FBN2: variants seen among roughly 807,000 people sequenced by gnomAD.
FBN2 encodes fibrillin 2, also known as fibrillin-2.
A neutral mutation model predicts 355.6 loss-of-function variants in FBN2; 105 were observed. The observed-to-expected ratio is 0.30, with a 90% CI of 0.25 to 0.35. FBN2 has a LOEUF of 0.35. FBN2 is among the 10% of genes least tolerant of loss of function. The pLI, the probability that FBN2 is intolerant of heterozygous loss-of-function variation, is 1.00. For missense variants in FBN2, 3,280 were observed against 3,758.7 expected, an observed-to-expected ratio of 0.87 and a Z score of 3.33; for synonymous variants, 1,350 against 1,301.2, an observed-to-expected ratio of 1.04 and a Z score of -0.81.
At chr5:128,370,660 A>T (rs17839646) in intron 15 of FBN2, among the ~76,000 whole-genome samples, 4,516 of 152,212 alleles carry the variant, frequency 0.03, 234 homozygotes, top group African/African-American at 0.1. Flanking sequence ...TTCTTTGGAC[A>T]TTACTGATGA....
chr5:128,300,762 C>T (rs1749691352), intron 48 of FBN2, 55 bp downstream of exon 48: 2 of 1,589,966 alleles, frequency 1.3e-6, no homozygotes, highest in Non-Finnish European at 1.7e-6. Context: ...AGAGTCTTTA[C>T]CATGTCTTAC....
intron 64 of FBN2, 89 bp downstream of exon 64, chr5:128,261,647 C>T: frequency 8.6e-7 from 1 of 1,158,240 alleles, no homozygotes; most frequent in African/African-American, 1.5e-5. Context: ...TGATTAACTT[C>T]AGTGAGGCTG....
intron 6 of FBN2, among the ~76,000 whole-genome samples, chr5:128,452,485 A>C (rs1406019577): frequency 6.6e-6 from 1 of 152,164 alleles, no homozygotes; most frequent in Non-Finnish European, 1.5e-5. Flanking sequence ...ACTTGTTCTA[A>C]AAAATTAAAC....
intron 6 of FBN2, among the ~76,000 whole-genome samples, chr5:128,459,992 G>C (rs1055034010): frequency 1.1e-4 from 16 of 152,032 alleles, no homozygotes; most frequent in African/African-American, 2.9e-4. Flanking sequence ...AGAAATAAAG[G>C]GTATTTAAAT....
chr5:128,291,898 T>G (rs142006715), intron 48 of FBN2, among the ~76,000 whole-genome samples: 2 of 152,230 alleles, frequency 1.3e-5, no homozygotes, highest in African/African-American at 4.8e-5. Context: ...GGGGTGTATG[T>G]ATGTCTACCT....
At position 128,314,458 on chromosome 5, in the gene FBN2, C is replaced by G. The variant is rs139804313; in HGVS notation, c.4718-1663G>C. Among the ~76,000 whole-genome samples, 163 of 152,238 alleles carry G rather than the reference C, an allele frequency of 1.1e-3. 2 individuals carry two copies. In the East Asian group the frequency reaches 0.028, roughly 26 times the overall value. Reference sequence around the variant, plus strand: ...TCAGCCTCCCGAGTAGCTGGGACTACAGGTGCCTGCCACCACGCGCAGTTA... The same window carrying G: ...TCAGCCTCCCGAGTAGCTGGGACTAGAGGTGCCTGCCACCACGCGCAGTTA... On this transcript the variant is annotated intron_variant, in intron 36 of 64. Transcript: ENST00000262464.
chr5:128,378,717 C>T lies in FBN2; in HGVS notation c.1723+54G>A, dbSNP rs190043293. ...TAAATTTACTTTTAACCTCAACAGC[C>T]TTGGTCACTATATTTCATGGAACAT... On this transcript the variant is annotated intron_variant, in intron 12 of 64. Transcript: ENST00000262464. 861 of 1,604,536 alleles carry T rather than the reference C, an allele frequency of 5.4e-4. 5 individuals are homozygous for T. In the African/African-American group the frequency reaches 9.9e-3, roughly 18 times the overall value.
chr5:128,374,831 ATAC>A (rs1752040567), intron 14 of FBN2, 81 bp from the exon 15 acceptor site: 1 of 1,436,274 alleles, frequency 7.0e-7, no homozygotes, highest in African/African-American at 1.4e-5. Flanking sequence ...CCACTGCTCT[ATAC>A]TACTAACCTT....
intron 2 of FBN2, among the ~76,000 whole-genome samples, chr5:128,532,769 G>A (rs142427743): frequency 1.1e-3 from 160 of 152,294 alleles, no homozygotes; most frequent in Middle Eastern, 0.01. Context: ...CAGTGGGCTG[G>A]GTATGGTGGC....
rs572432568 is a variant in FBN2 at position 128,491,056 on chromosome 5, G to T, written c.629-26135C>A. ...TCCAAATGTTTAACTTGTGAGGATAGCATCTTAAGTTCAGAGAAACATAAT... is the reference window on the plus strand; with the variant it reads ...TCCAAATGTTTAACTTGTGAGGATATCATCTTAAGTTCAGAGAAACATAAT... On this transcript the variant is annotated intron_variant, in intron 5 of 64. Coordinates refer to ENST00000262464, the MANE Select transcript of FBN2 (RefSeq NM_001999.4). Among the ~76,000 whole-genome samples, 39 of 139,238 alleles carry T rather than the reference G, an allele frequency of 2.8e-4. 1 individual carries two copies. The South Asian group carries it at 7.7e-3, about 28-fold the overall frequency. 91.3% of individuals were successfully genotyped at this position (139,238 alleles called of 152,430 possible).
At chr5:128,317,075 A>G (rs1318288023) in intron 36 of FBN2, among the ~76,000 whole-genome samples, 1 of 152,078 alleles carries the variant, frequency 6.6e-6, no homozygotes, top group African/African-American at 2.4e-5. Flanking sequence ...TTCTCCTGCC[A>G]CATGCCCCTT....
intron 52 of FBN2, 40 bp from the exon 53 acceptor site, chr5:128,288,597 AG>A: frequency 6.2e-7 from 1 of 1,608,322 alleles, no homozygotes; most frequent in Non-Finnish European, 8.5e-7. Flanking sequence ...AAGATGTTTT[AG>A]TTTAACAGGA....
intron 11 of FBN2, among the ~76,000 whole-genome samples, 198 bp from the exon 12 acceptor site, chr5:128,379,088 C>A (rs189896224): frequency 6.6e-6 from 1 of 152,084 alleles, no homozygotes; most frequent in Admixed American, 6.6e-5. Context: ...AAAAATATCA[C>A]CTTTTAGAGA....
chr5:128,411,509 G>A lies in FBN2; in HGVS notation c.953-2710C>T, dbSNP rs78130482. On this transcript the variant is annotated intron_variant, in intron 7 of 64. Transcript: ENST00000262464. ...TCCCTAGCGGAACTCCTCTCTGACC[G>A]TCCCCAGCTGAACTCCTCTCCAACC... Among the ~76,000 whole-genome samples, 1,036 of 152,242 alleles carry A rather than the reference G, an allele frequency of 6.8e-3. 17 individuals are homozygous for A. The highest frequency in any genetic ancestry group is 0.023 in the African/African-American group (974 of 41,542).
At chr5:128,537,305 T>C (rs1287310494) in intron 1 of FBN2, 45 bp downstream of exon 1, 1 of 1,604,084 alleles carries the variant, frequency 6.2e-7, no homozygotes, top group Admixed American at 1.7e-5. Flanking sequence ...GATTCCCCCC[T>C]CCCCCAAGCC....
intron 32 of FBN2, among the ~76,000 whole-genome samples, chr5:128,332,534 A>T (rs978067705): frequency 2.0e-5 from 3 of 152,242 alleles, no homozygotes; most frequent in Non-Finnish European, 4.4e-5. Flanking sequence ...TTACTAAAAA[A>T]TTAGGTTATC....
At chr5:128,302,563 A>C (rs1355237650) in intron 46 of FBN2, among the ~76,000 whole-genome samples, 1 of 152,224 alleles carries the variant, frequency 6.6e-6, no homozygotes, top group Admixed American at 6.5e-5. Flanking sequence ...TGACAGGTGT[A>C]AGCAGGAGGC....
chr5:128,484,798 C>T (rs1049965939), intron 5 of FBN2, among the ~76,000 whole-genome samples: 2 of 152,290 alleles, frequency 1.3e-5, no homozygotes, highest in East Asian at 1.9e-4. Flanking sequence ...ATGCACTATT[C>T]GGTGGCAACA....
chr5:128,445,301 T>C (rs1378739692), intron 7 of FBN2, among the ~76,000 whole-genome samples: 3 of 152,162 alleles, frequency 2.0e-5, no homozygotes, highest in Admixed American at 6.5e-5. Flanking sequence ...AAAATGTATA[T>C]AACTATAACA....
Sources: gnomAD v4.1 joint callset for allele counts (sites outside exome capture counted in the v4.1 genomes callset) on GRCh38, gnomAD v4.1.1 for gene constraint, MANE v1.5 for transcripts, NCBI Gene and HGNC (gene_info 2026-07-23, HGNC 2026-07-21) for gene names.